RALYL: variants seen among roughly 807,000 people sequenced by gnomAD.
The protein encoded by RALYL is RNA-binding Raly-like protein.
In RALYL, 29 loss-of-function variants were observed where a neutral mutation model predicts 35.1. The observed-to-expected ratio is 0.83, with a 90% CI of 0.61 to 1.13. The LOEUF is 1.13. RALYL is among the 50% of genes most tolerant of loss of function. RALYL has a pLI of 0.00. For missense variants in RALYL, 359 were observed against 360.4 expected (o/e 1.00, Z 0.03); for synonymous variants, 120 against 127.6 (o/e 0.94, Z 0.40).
Position 84,887,780 on chromosome 8 carries a change from G to A in RALYL, c.858+4G>A, listed in dbSNP as rs762706015. ...TGAAGATGGGGGTCATGAGCTGGTA[G>A]GAAAGAAACATTTGGTATTCACACC... On this transcript the variant is annotated splice_donor_region_variant and intron_variant, in intron 8 of 8. Transcript: ENST00000521268. The A allele has an allele frequency of 6.2e-7, 1 of 1,609,102 alleles. No homozygotes were observed. The highest frequency in any genetic ancestry group is 8.5e-7 in the Non-Finnish European group (1 of 1,177,988).
intron 1 of RALYL, among the ~76,000 whole-genome samples, chr8:84,246,093 A>T (rs1173138445): frequency 6.6e-6 from 1 of 152,138 alleles, no homozygotes; most frequent in African/African-American, 2.4e-5. Flanking sequence ...GGATAATTTC[A>T]TAATTGGGTA....
At chr8:84,740,417 C>A (rs1449761320) in intron 2 of RALYL, among the ~76,000 whole-genome samples, 3 of 152,094 alleles carry the variant, frequency 2.0e-5, no homozygotes, top group Admixed American at 6.6e-5. Context: ...AGAGATTATA[C>A]AATAAAGCAT....
chr8:84,591,401 G>A (rs1813234196), intron 2 of RALYL, among the ~76,000 whole-genome samples: 1 of 152,086 alleles, frequency 6.6e-6, no homozygotes, highest in Admixed American at 6.6e-5. Flanking sequence ...GGGTCGCTTC[G>A]CCTTGCCACC....
intron 2 of RALYL, among the ~76,000 whole-genome samples, chr8:84,606,011 C>T (rs150596557): frequency 0.019 from 2,839 of 151,792 alleles, 48 homozygotes; most frequent in Middle Eastern, 0.034. Context: ...GTCCATTCTG[C>T]GAGCCCCTGG....
At chr8:84,656,704 ATAAT>A (rs1427383040) in intron 2 of RALYL, among the ~76,000 whole-genome samples, 1 of 151,296 alleles carries the variant, frequency 6.6e-6, no homozygotes, top group East Asian at 2.0e-4. Flanking sequence ...AGATTTCTTG[ATAAT>A]TAGAGTAATT....
chr8:84,217,149 G>A (rs572732661), intron 1 of RALYL, among the ~76,000 whole-genome samples: 1 of 152,184 alleles, frequency 6.6e-6, no homozygotes, highest in African/African-American at 2.4e-5. Context: ...CTTACCCTCA[G>A]TAGGTAAGCT....
In RALYL at chr8:84,455,113, G is replaced by T. The variant is rs562228695; in HGVS notation, c.-23-74186G>T. On this transcript the variant is annotated intron_variant, in intron 1 of 8. Coordinates refer to ENST00000521268, the MANE Select transcript of RALYL (RefSeq NM_173848.7). ...GCACAGAATTTGGGAACATTGATTG[G>T]GGAACAGTTCTGAAGTAGAGGCCTA... Among the ~76,000 whole-genome samples, 234 of 152,082 alleles carry T rather than the reference G, an allele frequency of 1.5e-3. 1 individual carries two copies. The highest frequency in any genetic ancestry group is 6.0e-3 in the South Asian group (29 of 4,826).
chr8:84,498,642 G>A (rs1465539512), intron 1 of RALYL, among the ~76,000 whole-genome samples: 1 of 152,034 alleles, frequency 6.6e-6, no homozygotes, highest in African/African-American at 2.4e-5. Flanking sequence ...AATCATCAAA[G>A]TTTCCATAAA....
intron 2 of RALYL, among the ~76,000 whole-genome samples, chr8:84,604,062 A>C (rs1292315572): frequency 2.0e-5 from 3 of 152,130 alleles, no homozygotes; most frequent in Admixed American, 6.6e-5. Context: ...AAAGCTAATC[A>C]TAGCTTCTTC....
chr8:84,217,824 C>T (rs1315225600), intron 1 of RALYL, among the ~76,000 whole-genome samples: 2 of 152,038 alleles, frequency 1.3e-5, no homozygotes, highest in African/African-American at 4.8e-5. Flanking sequence ...AACTAGGAGC[C>T]TAATAGAATT....
chr8:84,323,610 T>A (rs569417042), intron 1 of RALYL, among the ~76,000 whole-genome samples: 4 of 152,210 alleles, frequency 2.6e-5, no homozygotes, highest in African/African-American at 9.6e-5. Flanking sequence ...ATGCACAGTG[T>A]TAAACTGGTA....
At chr8:84,627,757 AATG>A (rs1192194846) in intron 2 of RALYL, among the ~76,000 whole-genome samples, 1 of 151,952 alleles carries the variant, frequency 6.6e-6, no homozygotes, top group African/African-American at 2.4e-5. Flanking sequence ...CACCATAATG[AATG>A]ATATGACCAT....
Position 84,733,559 on chromosome 8 carries a change from A to G in RALYL, c.257-41020A>G, listed in dbSNP as rs946517831. Among the ~76,000 whole-genome samples the G allele has an allele frequency of 3.9e-5, 6 of 152,318 alleles. No individual in the cohort carries two copies. In the South Asian group the frequency reaches 1.2e-3, roughly 32 times the overall value. On this transcript the variant is annotated intron_variant, in intron 2 of 8. Coordinates refer to ENST00000521268, the MANE Select transcript of RALYL (RefSeq NM_173848.7). ...AAGTCCTAAATATGGAGAATGAGGG[A>G]AAATAATAACATGTCATTTATAAGA...
chr8:84,876,115 G>A (rs1416092991), intron 7 of RALYL, among the ~76,000 whole-genome samples: 1 of 152,016 alleles, frequency 6.6e-6, no homozygotes, highest in Non-Finnish European at 1.5e-5. Context: ...ATGTGTGTGT[G>A]GTGTCCTGTC....
intron 8 of RALYL, among the ~76,000 whole-genome samples, chr8:84,918,819 T>A (rs777328414): frequency 4.6e-5 from 7 of 152,108 alleles, no homozygotes; most frequent in Non-Finnish European, 2.9e-5. Flanking sequence ...TAATGAGTCT[T>A]TTGTTTTATT....
At chr8:84,537,072 T>C (rs749546543) in intron 2 of RALYL, among the ~76,000 whole-genome samples, 2 of 151,502 alleles carry the variant, frequency 1.3e-5, no homozygotes, top group Admixed American at 6.6e-5. Flanking sequence ...TAGAGATGGC[T>C]ACTATATTTG....
chr8:84,452,575 T>G (rs773151093), intron 1 of RALYL, among the ~76,000 whole-genome samples: 1 of 151,932 alleles, frequency 6.6e-6, no homozygotes, highest in Non-Finnish European at 1.5e-5. Flanking sequence ...ATAAATGAAT[T>G]AGCAACCAAC....
intron 2 of RALYL, among the ~76,000 whole-genome samples, chr8:84,746,204 T>C (rs1460170154): frequency 1.3e-5 from 2 of 151,998 alleles, no homozygotes; most frequent in Admixed American, 6.6e-5. Flanking sequence ...TGAGAGGAAA[T>C]GTAAAAAATA....
intron 1 of RALYL, among the ~76,000 whole-genome samples, chr8:84,433,519 G>C (rs1312238347): frequency 6.6e-6 from 1 of 152,078 alleles, no homozygotes; most frequent in South Asian, 2.1e-4. Context: ...TTGCGGGAGA[G>C]ACCCAGCGGG....
Sources: gnomAD v4.1 joint callset for allele counts (sites outside exome capture counted in the v4.1 genomes callset) on GRCh38, gnomAD v4.1.1 for gene constraint, MANE v1.5 for transcripts, NCBI Gene and HGNC (gene_info 2026-07-23, HGNC 2026-07-21) for gene names.